Variants in ULK4 observed in about 807,000 individuals in gnomAD.
ULK4 encodes the protein unc-51 like kinase 4.
Under a neutral mutation model 160.6 loss-of-function variants are expected in ULK4, and 133 were observed. The observed-to-expected ratio is 0.83, with a 90% CI of 0.72 to 0.96. The LOEUF (loss-of-function observed/expected upper bound fraction) is 0.96. Among genes scored for constraint, ULK4 ranks in the 40% least tolerant of loss-of-function variants. The pLI is 0.00. For synonymous variants in ULK4, 534 were observed against 539.8 expected (o/e 0.99, Z 0.15); for missense variants, 1,580 against 1,499.5 (o/e 1.05, Z -0.89).
chr3:41,829,194 T>G (rs1419136586), intron 18 of ULK4, among the ~76,000 whole-genome samples: 2 of 149,882 alleles, frequency 1.3e-5, no homozygotes, highest in African/African-American at 5.0e-5. Flanking sequence ...ATAAAAACCC[T>G]AGAAGAAAAC....
At chr3:41,370,170 T>A (rs1429545904) in intron 35 of ULK4, among the ~76,000 whole-genome samples, 1 of 152,110 alleles carries the variant, frequency 6.6e-6, no homozygotes, top group African/African-American at 2.4e-5. Context: ...TAAACAGGCT[T>A]AGTTTCTTGA....
chr3:41,892,796 T>C (rs1285625485), intron 16 of ULK4, among the ~76,000 whole-genome samples: 2 of 152,192 alleles, frequency 1.3e-5, no homozygotes, highest in Non-Finnish European at 2.9e-5. Context: ...CCCATTACAA[T>C]TGCCTAACCA....
At chr3:41,854,311 C>G (rs917355160) in intron 17 of ULK4, 4 of 152,176 alleles carry the variant, frequency 2.6e-5, no homozygotes, top group African/African-American at 7.2e-5. Flanking sequence ...ATGAAGGGGA[C>G]ACCAGCATCT....
At chr3:41,902,261 A>C (rs1698398327) in intron 12 of ULK4, among the ~76,000 whole-genome samples, 1 of 152,210 alleles carries the variant, frequency 6.6e-6, no homozygotes, top group Non-Finnish European at 1.5e-5. Flanking sequence ...AAGCTGCCCC[A>C]TGCAACTCAG....
intron 17 of ULK4, among the ~76,000 whole-genome samples, chr3:41,853,007 G>C (rs1354640337): frequency 6.6e-6 from 1 of 152,178 alleles, no homozygotes; most frequent in African/African-American, 2.4e-5. Flanking sequence ...GGAGACCAGA[G>C]ATTCAAACAC....
intron 31 of ULK4, among the ~76,000 whole-genome samples, chr3:41,579,474 C>T (rs1391569745): frequency 6.8e-6 from 1 of 146,518 alleles, no homozygotes; most frequent in African/African-American, 2.5e-5. Context: ...TCACTTCAAT[C>T]TGGAACTAAT....
chr3:41,769,584 G>C (rs894688814), intron 21 of ULK4, among the ~76,000 whole-genome samples: 4 of 152,182 alleles, frequency 2.6e-5, no homozygotes, highest in African/African-American at 9.7e-5. Flanking sequence ...GTTATGTCCA[G>C]CATTCACGGC....
intron 35 of ULK4, among the ~76,000 whole-genome samples, chr3:41,295,105 G>A (rs2125706184): frequency 6.6e-6 from 1 of 152,326 alleles, no homozygotes; most frequent in East Asian, 1.9e-4. Context: ...CAGACAAACA[G>A]ATCAACGGAA....
chr3:41,453,598 G>C (rs2083471384), intron 34 of ULK4, among the ~76,000 whole-genome samples: 1 of 152,110 alleles, frequency 6.6e-6, no homozygotes. Flanking sequence ...TACAGATGAA[G>C]AAACTGTGGC....
intron 35 of ULK4, among the ~76,000 whole-genome samples, chr3:41,261,951 G>T (rs1007303765): frequency 6.6e-6 from 1 of 152,210 alleles, no homozygotes; most frequent in African/African-American, 2.4e-5. Context: ...ATTATCTCAT[G>T]TTCTCTTCAC....
chr3:41,869,565 G>C (rs1697016920), intron 17 of ULK4, among the ~76,000 whole-genome samples: 1 of 152,062 alleles, frequency 6.6e-6, no homozygotes, highest in African/African-American at 2.4e-5. Flanking sequence ...GGGTGACCGG[G>C]TGAGACTCTG....
At chr3:41,496,723 C>A (rs2085004826) in intron 32 of ULK4, among the ~76,000 whole-genome samples, 1 of 152,114 alleles carries the variant, frequency 6.6e-6, no homozygotes, top group African/African-American at 2.4e-5. Context: ...AACAGAGATA[C>A]TTAAGATTGC....
chr3:41,851,137 G>C (rs961559807), intron 17 of ULK4, among the ~76,000 whole-genome samples: 42 of 152,248 alleles, frequency 2.8e-4, no homozygotes, highest in African/African-American at 1.0e-3. Flanking sequence ...GTGAGAGAGG[G>C]CGTCCCTGTC....
intron 35 of ULK4, among the ~76,000 whole-genome samples, chr3:41,373,143 T>C (rs2081405008): frequency 6.6e-6 from 1 of 152,054 alleles, no homozygotes; most frequent in Non-Finnish European, 1.5e-5. Flanking sequence ...ATAAAGCGAG[T>C]TATTAGAGAC....
intron 32 of ULK4, among the ~76,000 whole-genome samples, chr3:41,491,292 G>C (rs1397020049): frequency 6.6e-6 from 1 of 150,940 alleles, no homozygotes; most frequent in African/African-American, 2.4e-5. Context: ...ATCTATAAAA[G>C]CTATTACAAA....
chr3:41,521,161 T>C (rs1244869248), intron 32 of ULK4, among the ~76,000 whole-genome samples: 2 of 152,158 alleles, frequency 1.3e-5, no homozygotes, highest in Non-Finnish European at 2.9e-5. Flanking sequence ...CATTCTACTG[T>C]TACACTACTG....
intron 5 of ULK4, 184 bp downstream of exon 5, chr3:41,931,660 C>T: frequency 3.0e-6 from 2 of 665,772 alleles, no homozygotes; most frequent in African/African-American, 1.8e-5. Context: ...CAGAGTAGAT[C>T]CACATTGAAT....
chr3:41,432,839 G>A (rs2082944772), intron 34 of ULK4, among the ~76,000 whole-genome samples: 4 of 151,666 alleles, frequency 2.6e-5, no homozygotes, highest in Admixed American at 2.6e-4. Flanking sequence ...CTACATAGAT[G>A]TCTACCTATT....
chr3:41,687,493 G>T (rs982405034), intron 27 of ULK4, among the ~76,000 whole-genome samples: 1 of 152,158 alleles, frequency 6.6e-6, no homozygotes. Context: ...AGATCTTTAA[G>T]GCACAAGGTT....
Sources: gnomAD v4.1 joint callset for allele counts (sites outside exome capture counted in the v4.1 genomes callset) on GRCh38, gnomAD v4.1.1 for gene constraint, MANE v1.5 for transcripts, NCBI Gene and HGNC (gene_info 2026-07-23, HGNC 2026-07-21) for gene names.